The following ADAT1 variants were observed in gnomAD, a reference collection of about 807,000 sequenced individuals.
ADAT1 encodes adenosine deaminase tRNA specific 1, also known as tRNA-specific adenosine deaminase 1.
ADAT1 carries 58 observed loss-of-function variants against 58.6 expected under a neutral mutation model. The observed-to-expected ratio is 0.99, with a 90% CI of 0.80 to 1.23. The LOEUF (loss-of-function observed/expected upper bound fraction) is 1.23. Ranked by LOEUF, ADAT1 falls within the 50% of genes most tolerant of loss-of-function variation. ADAT1 has a pLI of 0.00. For missense variants in ADAT1, 741 were observed against 608.6 expected, an observed-to-expected ratio of 1.22 and a Z score of -2.29; for synonymous variants, 254 against 220.8, an observed-to-expected ratio of 1.15 and a Z score of -1.33.
chr16:75,609,712 T>G (rs1379649674), intron 6 of ADAT1, among the ~76,000 whole-genome samples: 1 of 152,098 alleles, frequency 6.6e-6, no homozygotes, highest in African/African-American at 2.4e-5. Flanking sequence ...ACCACTTAAA[T>G]TTTTTGTTTT....
At chr16:75,610,586 T>C (rs1233665840) in intron 6 of ADAT1, among the ~76,000 whole-genome samples, 3 of 152,206 alleles carry the variant, frequency 2.0e-5, no homozygotes, top group Non-Finnish European at 2.9e-5. Context: ...CATGAGCTAC[T>C]GTACTTGGCC....
At position 75,603,100 on chromosome 16, in the gene ADAT1, C is replaced by CA; in HGVS notation, c.1360dup (p.Trp454LeufsTer58). The CA allele has an allele frequency of 1.2e-6, 2 of 1,614,008 alleles. No homozygotes were observed. The highest frequency in any genetic ancestry group is 1.7e-6 in the Non-Finnish European group (2 of 1,179,868). ...ACAGCATCACCTGAGGGAGTGTGGC[C>CA]ACTTGTCCCTTGCAATTCTGCTTAG... On this transcript the variant is annotated frameshift_variant, in exon 9 of 10. Coordinates refer to ENST00000564657, the MANE Select transcript of ADAT1 (RefSeq NM_001324445.2). LOFTEE classifies it high-confidence loss of function.
At chr16:75,600,436 G>A (rs2081195548) in intron 9 of ADAT1, 88 bp from the exon 10 acceptor site, 2 of 1,551,988 alleles carry the variant, frequency 1.3e-6, no homozygotes, top group Non-Finnish European at 1.7e-6. Flanking sequence ...CAACTGGACA[G>A]ACTTGTAATG....
intron 4 of ADAT1, 55 bp downstream of exon 4, chr16:75,618,531 T>C (rs1276580669): frequency 8.3e-7 from 1 of 1,210,518 alleles, no homozygotes; most frequent in African/African-American, 1.6e-5. Flanking sequence ...AAAAAGTAAA[T>C]TCCGGGACTC....
intron 8 of ADAT1, among the ~76,000 whole-genome samples, chr16:75,605,159 C>T (rs111750648): frequency 5.5e-4 from 83 of 152,220 alleles, no homozygotes; most frequent in Admixed American, 1.3e-3. Flanking sequence ...GGCGTGATCT[C>T]GGCTCACTGC....
chr16:75,620,210 A>G (rs2081886725), intron 3 of ADAT1, 56 bp downstream of exon 3: 1 of 1,572,212 alleles, frequency 6.4e-7, no homozygotes, highest in African/African-American at 1.4e-5. Flanking sequence ...AAGGAGAGTA[A>G]AACATGGACA....
At chr16:75,600,859 A>T (rs1302658189) in intron 9 of ADAT1, among the ~76,000 whole-genome samples, 2 of 152,186 alleles carry the variant, frequency 1.3e-5, no homozygotes, top group Admixed American at 6.5e-5. Context: ...AAAATATTAA[A>T]TTTAGAGATT....
At chr16:75,604,587 T>G (rs2081322879) in intron 8 of ADAT1, among the ~76,000 whole-genome samples, 1 of 149,666 alleles carries the variant, frequency 6.7e-6, no homozygotes, top group African/African-American at 2.5e-5. Context: ...TCAACATCCT[T>G]TGATTAAAAA....
At chr16:75,604,864 G>T (rs1013410121) in intron 8 of ADAT1, among the ~76,000 whole-genome samples, 4 of 152,122 alleles carry the variant, frequency 2.6e-5, no homozygotes, top group African/African-American at 7.2e-5. Flanking sequence ...AGGAACAGAA[G>T]GCTGGAAAGA....
intron 8 of ADAT1, among the ~76,000 whole-genome samples, chr16:75,604,022 T>C (rs2081295332): frequency 6.6e-6 from 1 of 152,150 alleles, no homozygotes; most frequent in African/African-American, 2.4e-5. Flanking sequence ...GACACTGCTC[T>C]CCCAGGGCCT....
chr16:75,622,357 A>C (rs918047329), intron 1 of ADAT1, 46 bp downstream of exon 1: 1 of 152,150 alleles, frequency 6.6e-6, no homozygotes, highest in Non-Finnish European at 1.5e-5. Context: ...CCTTGTCAAG[A>C]AAAGAAAGCA....
chr16:75,606,478 G>C (rs944611822), intron 8 of ADAT1, among the ~76,000 whole-genome samples: 1 of 152,208 alleles, frequency 6.6e-6, no homozygotes, highest in Admixed American at 6.5e-5. Flanking sequence ...TGGATTGCCT[G>C]TTCTGTGGGG....
intron 9 of ADAT1, among the ~76,000 whole-genome samples, chr16:75,602,558 T>C (rs75836779): frequency 0.04 from 6,067 of 152,244 alleles, 147 homozygotes; most frequent in South Asian, 0.049. Flanking sequence ...CTTGTGGTAG[T>C]TGTTTGAAAT....
chr16:75,617,750 A>C (rs1253567844), intron 4 of ADAT1, among the ~76,000 whole-genome samples: 2 of 151,660 alleles, frequency 1.3e-5, no homozygotes, highest in Non-Finnish European at 2.9e-5. Flanking sequence ...TCTGGGTTTT[A>C]ACAAGCCTTC....
intron 5 of ADAT1, among the ~76,000 whole-genome samples, chr16:75,613,541 C>T (rs1414588259): frequency 1.3e-5 from 2 of 152,152 alleles, no homozygotes; most frequent in African/African-American, 2.4e-5. Context: ...TGACTCCTGA[C>T]CTCGAGTGAT....
chr16:75,610,043 G>T (rs2081481593), intron 6 of ADAT1, among the ~76,000 whole-genome samples: 2 of 152,104 alleles, frequency 1.3e-5, no homozygotes, highest in African/African-American at 2.4e-5. Context: ...TTATGGATTT[G>T]CCTGTTCTAG....
intron 5 of ADAT1, among the ~76,000 whole-genome samples, chr16:75,613,880 G>T (rs1339909530): frequency 6.6e-6 from 1 of 152,104 alleles, no homozygotes. Context: ...AAACAAAAGT[G>T]GGTGGTTTAT....
chr16:75,612,888 A>G, intron 5 of ADAT1, 27 bp from the exon 6 acceptor site: 5 of 1,599,782 alleles, frequency 3.1e-6, no homozygotes, highest in Non-Finnish European at 4.3e-6. Context: ...CACTTAAACA[A>G]ATGGTTCTCA....
chr16:75,607,684 T>A (rs936374273), intron 8 of ADAT1, among the ~76,000 whole-genome samples: 3 of 152,074 alleles, frequency 2.0e-5, no homozygotes, highest in Non-Finnish European at 2.9e-5. Flanking sequence ...TCAAAAAAGT[T>A]AAACATAACA....
Sources: allele counts gnomAD v4.1 joint callset (sites outside exome capture counted in the v4.1 genomes callset), GRCh38; gene constraint gnomAD v4.1.1; transcripts MANE v1.5; gene names NCBI Gene and HGNC (gene_info 2026-07-23, HGNC 2026-07-21).